Variants in FRMD4B observed in about 807,000 individuals in gnomAD.
FRMD4B encodes FERM domain containing 4B, also known as FERM domain-containing protein 4B.
Under a neutral mutation model 141.5 loss-of-function variants are expected in FRMD4B, and 74 were observed. That is an observed-to-expected ratio of 0.52 (90% CI 0.43 to 0.63). The LOEUF is 0.63. Ranked by LOEUF, FRMD4B falls within the 30% of genes least tolerant of loss-of-function variation. The probability of loss-of-function intolerance (pLI) is 0.00; values close to 1 mark genes in which losing one functional copy is unlikely to be tolerated. For synonymous variants in FRMD4B, 506 were observed against 467.9 expected (o/e 1.08, Z -1.05); for missense variants, 1,366 against 1,253.4 (o/e 1.09, Z -1.36).
intron 1 of FRMD4B, chr3:69,536,433 G>T: frequency 2.8e-6 from 2 of 708,644 alleles, no homozygotes; most frequent in South Asian, 3.0e-5. Context: ...AGCGGAGGAC[G>T]TCCACCGTTG....
intron 1 of FRMD4B, among the ~76,000 whole-genome samples, chr3:69,372,834 T>G (rs1703865037): frequency 6.6e-6 from 1 of 152,198 alleles, no homozygotes; most frequent in African/African-American, 2.4e-5. Context: ...TATTCATTTA[T>G]TTTTCACCAT....
At chr3:69,213,449 A>G (rs2093106837) in intron 11 of FRMD4B, among the ~76,000 whole-genome samples, 1 of 151,990 alleles carries the variant, frequency 6.6e-6, no homozygotes, top group South Asian at 2.1e-4. Flanking sequence ...TTCATTTCTA[A>G]TATTATTGAT....
intron 7 of FRMD4B, among the ~76,000 whole-genome samples, chr3:69,248,036 C>T (rs1280494857): frequency 3.4e-4 from 52 of 152,124 alleles, no homozygotes; most frequent in Admixed American, 3.4e-3. Context: ...AAGTGATCCT[C>T]CCTCCTCGGC....
rs538190909 is a variant in FRMD4B, at chr3:69,440,804, T to C, written c.-128-8043A>G. Among the ~76,000 whole-genome samples, 3 of 152,082 alleles carry C rather than the reference T, an allele frequency of 2.0e-5. No homozygotes were observed. The South Asian group carries it at 6.2e-4, about 32-fold the overall frequency. Reference sequence around the variant, plus strand: ...GCCTTGGCAACAGAGCAAGAGACTCTGTCAAAAAAAAAAATTCTTGAATAC... The same window carrying C: ...GCCTTGGCAACAGAGCAAGAGACTCCGTCAAAAAAAAAAATTCTTGAATAC... On this transcript the variant is annotated intron_variant, in intron 1 of 5. Coordinates refer to the FRMD4B transcript ENST00000459638.
At chr3:69,455,327 T>C (rs1705579260) in intron 1 of FRMD4B, among the ~76,000 whole-genome samples, 1 of 152,228 alleles carries the variant, frequency 6.6e-6, no homozygotes, top group Admixed American at 6.5e-5. Flanking sequence ...CTCTTTGCAA[T>C]AAATTTTTGC....
chr3:69,269,237 C>T (rs1422462361), intron 5 of FRMD4B, among the ~76,000 whole-genome samples: 3 of 151,696 alleles, frequency 2.0e-5, no homozygotes, highest in Non-Finnish European at 2.9e-5. Context: ...CAGATGAGAA[C>T]ATTTTATAAC....
chr3:69,432,147 C>T (rs1268165105), intron 2 of FRMD4B, among the ~76,000 whole-genome samples: 2 of 152,330 alleles, frequency 1.3e-5, no homozygotes, highest in South Asian at 2.1e-4. Context: ...CTCTCCCTTA[C>T]TCCAATTAAG....
chr3:69,239,714 G>A (rs1316651160), intron 7 of FRMD4B, among the ~76,000 whole-genome samples: 1 of 152,128 alleles, frequency 6.6e-6, no homozygotes, highest in East Asian at 1.9e-4. Flanking sequence ...TTTAATGGGT[G>A]CAGAGTTTCT....
At position 69,303,810 on chromosome 3, in the gene FRMD4B, T is replaced by C. The variant is rs572842139; in HGVS notation, c.324-1375A>G. 1.7e-3 allele frequency among the ~76,000 whole-genome samples: 266 copies of C among 152,246 alleles called. 2 individuals are homozygous for C. Among genetic ancestry groups the C allele is most frequent in the African/African-American group, 6.0e-3 (251 of 41,548 alleles). ...TTAGCCTAGTGTGGTGGTGCATGCC[T>C]GTTGTCCCAGCTACTATGGAGGCTG... On this transcript the variant is annotated intron_variant, in intron 3 of 22. Transcript: ENST00000398540.
At chr3:69,234,932 T>C (rs1019270808) in intron 7 of FRMD4B, among the ~76,000 whole-genome samples, 4 of 151,802 alleles carry the variant, frequency 2.6e-5, no homozygotes, top group Admixed American at 6.6e-5. Context: ...GCGGATCACT[T>C]GAGATCAAGA....
At chr3:69,288,263 C>A (rs1700758609) in intron 4 of FRMD4B, among the ~76,000 whole-genome samples, 1 of 152,258 alleles carries the variant, frequency 6.6e-6, no homozygotes, top group Non-Finnish European at 1.5e-5. Flanking sequence ...CTGCTTGAGG[C>A]TCGGGGGTTT....
At chr3:69,380,580 G>C (rs1275676523) in intron 1 of FRMD4B, among the ~76,000 whole-genome samples, 1 of 152,156 alleles carries the variant, frequency 6.6e-6, no homozygotes, top group Non-Finnish European at 1.5e-5. Flanking sequence ...TTACCCAGGA[G>C]GAAATGAAGT....
intron 1 of FRMD4B, among the ~76,000 whole-genome samples, chr3:69,451,681 G>A (rs992090696): frequency 2.6e-5 from 4 of 152,142 alleles, no homozygotes; most frequent in Non-Finnish European, 5.9e-5. Context: ...CTTCTCTGGT[G>A]GGTAAGATGG....
intron 17 of FRMD4B, among the ~76,000 whole-genome samples, chr3:69,191,325 CAGG>C (rs1207901319): frequency 1.3e-5 from 2 of 152,066 alleles, no homozygotes; most frequent in Non-Finnish European, 1.5e-5. Context: ...GAGGCTGAGG[CAGG>C]AGAATTGCTT....
chr3:69,231,926 C>G (rs768517068), intron 7 of FRMD4B, among the ~76,000 whole-genome samples: 2 of 152,172 alleles, frequency 1.3e-5, no homozygotes, highest in African/African-American at 4.8e-5. Flanking sequence ...TTCACCCTCC[C>G]GGGGAATCTG....
intron 4 of FRMD4B, among the ~76,000 whole-genome samples, chr3:69,295,882 T>C (rs1701018760): frequency 6.6e-6 from 1 of 152,138 alleles, no homozygotes; most frequent in Non-Finnish European, 1.5e-5. Flanking sequence ...AATGGCGTGA[T>C]CTTGGCTCAC....
At chr3:69,370,015 TG>T (rs1030675908) in intron 1 of FRMD4B, among the ~76,000 whole-genome samples, 11 of 152,198 alleles carry the variant, frequency 7.2e-5, no homozygotes, top group Non-Finnish European at 1.5e-4. Context: ...TGCAGAATTT[TG>T]AAAAGCTTGA....
intron 1 of FRMD4B, among the ~76,000 whole-genome samples, chr3:69,494,886 C>G (rs560844645): frequency 6.7e-6 from 1 of 148,964 alleles, no homozygotes; most frequent in South Asian, 2.1e-4. Context: ...GAGTGAAACT[C>G]CGTCCAAAAA....
At chr3:69,395,619 T>C (rs1187150860) in intron 2 of FRMD4B, among the ~76,000 whole-genome samples, 2 of 152,184 alleles carry the variant, frequency 1.3e-5, no homozygotes, top group Non-Finnish European at 2.9e-5. Context: ...AAAGGAAAAG[T>C]CTAGCATCCC....
Sources: allele counts gnomAD v4.1 joint callset (sites outside exome capture counted in the v4.1 genomes callset), GRCh38; gene constraint gnomAD v4.1.1; transcripts MANE v1.5; gene names NCBI Gene and HGNC (gene_info 2026-07-23, HGNC 2026-07-21).